TASP1: variants seen among roughly 807,000 people sequenced by gnomAD.
TASP1 encodes taspase 1.
Under a neutral mutation model 56.6 loss-of-function variants are expected in TASP1, and 16 were observed. The observed-to-expected ratio is 0.28, with a 90% CI of 0.19 to 0.43. The LOEUF is 0.43. TASP1 is among the 20% of genes least tolerant of loss of function. TASP1 has a pLI of 1.00. For missense variants in TASP1, 393 were observed against 511.6 expected (o/e 0.77, Z 2.24); for synonymous variants, 179 against 184.2 (o/e 0.97, Z 0.23).
In TASP1 at chr20:13,411,670, C is replaced by G. The variant is rs528800165; in HGVS notation, c.1170+5778G>C. Among the ~76,000 whole-genome samples the G allele has an allele frequency of 9.2e-5, 14 of 152,300 alleles. 1 individual carries two copies. The South Asian group carries it at 2.9e-3, about 32-fold the overall frequency. ...ATTTCCCTTAAGCAAGGTTTGGGATCTGAGCCCAGGTGAAACTCTAGAGAA... is the reference window on the plus strand; with the variant it reads ...ATTTCCCTTAAGCAAGGTTTGGGATGTGAGCCCAGGTGAAACTCTAGAGAA... On this transcript the variant is annotated intron_variant, in intron 13 of 13. Transcript: ENST00000337743.
At chr20:13,623,237 A>G (rs1373009339) in intron 4 of TASP1, among the ~76,000 whole-genome samples, 1 of 152,068 alleles carries the variant, frequency 6.6e-6, no homozygotes, top group Non-Finnish European at 1.5e-5. Context: ...AAAAAAAAAG[A>G]AAAGAAAGGA....
chr20:13,285,215 C>T, the TASP1 span, among the ~76,000 whole-genome samples: 1 of 152,044 alleles, frequency 6.6e-6, no homozygotes, highest in South Asian at 2.1e-4. Context: ...TGCTTGAGCC[C>T]AGGAATTCAG....
At chr20:13,536,027 T>A (rs1198090362) in intron 8 of TASP1, among the ~76,000 whole-genome samples, 3 of 152,220 alleles carry the variant, frequency 2.0e-5, no homozygotes, top group African/African-American at 4.8e-5. Context: ...ATATTTGTTT[T>A]ATAATGCTAA....
chr20:13,118,460 C>CAAA, the TASP1 span, among the ~76,000 whole-genome samples: 2 of 127,634 alleles, frequency 1.6e-5, no homozygotes, highest in Admixed American at 8.3e-5. Context: ...AAAAAAAAAA[C>CAAA]AAAAAAAAAC....
chr20:13,125,301 G>A, the TASP1 span, among the ~76,000 whole-genome samples: 2,874 of 152,312 alleles, frequency 0.019, 56 homozygotes, highest in South Asian at 0.041. Flanking sequence ...GCATTCTGGA[G>A]TGGCTCAGCA....
At chr20:13,421,922 T>C (rs1211326345) in intron 12 of TASP1, among the ~76,000 whole-genome samples, 1 of 151,822 alleles carries the variant, frequency 6.6e-6, no homozygotes, top group African/African-American at 2.4e-5. Context: ...TATCAACAAA[T>C]AACCTTATTT....
chr20:13,163,587 A>C, the TASP1 span, among the ~76,000 whole-genome samples: 9 of 152,116 alleles, frequency 5.9e-5, no homozygotes, highest in Admixed American at 5.9e-4. Flanking sequence ...GATTTGATGT[A>C]GGAAATTTAG....
At chr20:13,613,993 T>G (rs543888853) in intron 4 of TASP1, among the ~76,000 whole-genome samples, 6 of 152,268 alleles carry the variant, frequency 3.9e-5, no homozygotes, top group Non-Finnish European at 8.8e-5. Flanking sequence ...TTTTTGGCAT[T>G]CTCTTTTCTC....
At chr20:13,439,977 A>C (rs1398116519) in intron 11 of TASP1, among the ~76,000 whole-genome samples, 1 of 152,152 alleles carries the variant, frequency 6.6e-6, no homozygotes, top group African/African-American at 2.4e-5. Context: ...GGCCCCACGA[A>C]GATTTAACAC....
chr20:13,617,932 C>T (rs2048577703), intron 4 of TASP1, among the ~76,000 whole-genome samples: 1 of 152,038 alleles, frequency 6.6e-6, no homozygotes, highest in African/African-American at 2.4e-5. Flanking sequence ...GACTGGCAGG[C>T]CTTAGAAGTT....
the TASP1 span, among the ~76,000 whole-genome samples, chr20:13,112,013 T>G: frequency 1.3e-5 from 2 of 152,224 alleles, no homozygotes; most frequent in East Asian, 3.9e-4. Flanking sequence ...CAAGCCAGAG[T>G]GGTACCAAAC....
the TASP1 span, among the ~76,000 whole-genome samples, chr20:13,200,881 C>T: frequency 2.0e-5 from 3 of 152,200 alleles, no homozygotes; most frequent in African/African-American, 7.2e-5. Flanking sequence ...TATGCCGAGG[C>T]TTGAAGTGCT....
chr20:13,504,956 C>CATTA, intron 10 of TASP1, among the ~76,000 whole-genome samples: 1 of 152,024 alleles, frequency 6.6e-6, no homozygotes, highest in African/African-American at 2.4e-5. Flanking sequence ...TCAATAATTA[C>CATTA]ATTGAATGTA....
chr20:13,257,737 C>T, the TASP1 span, among the ~76,000 whole-genome samples: 1 of 151,032 alleles, frequency 6.6e-6, no homozygotes, highest in African/African-American at 2.4e-5. Context: ...GAGGCCAGGA[C>T]TTCCCCTACC....
chr20:13,284,054 C>T, the TASP1 span, among the ~76,000 whole-genome samples: 3 of 152,228 alleles, frequency 2.0e-5, no homozygotes, highest in African/African-American at 7.2e-5. Flanking sequence ...AGTACCTTAA[C>T]CTCTCTGAGC....
chr20:13,153,133 A>C, the TASP1 span, among the ~76,000 whole-genome samples: 1 of 152,324 alleles, frequency 6.6e-6, no homozygotes, highest in East Asian at 1.9e-4. Context: ...AATCCTATTC[A>C]TTCTTATTGA....
intron 7 of TASP1, among the ~76,000 whole-genome samples, chr20:13,567,021 C>T (rs2046553785): frequency 6.6e-6 from 1 of 152,144 alleles, no homozygotes; most frequent in Non-Finnish European, 1.5e-5. Context: ...TACATGGAAT[C>T]AACCTAAATG....
At chr20:13,483,179 G>T in intron 11 of TASP1, 48 bp downstream of exon 11, 1 of 1,382,388 alleles carries the variant, frequency 7.2e-7, no homozygotes, top group South Asian at 1.4e-5. Flanking sequence ...TTATAGAAGT[G>T]AAATAATCCA....
chr20:13,165,812 A>C, the TASP1 span: 5 of 152,208 alleles, frequency 3.3e-5, no homozygotes, highest in African/African-American at 1.2e-4. Flanking sequence ...TGATTCAAGA[A>C]GGACATTTAA....
Sources: gnomAD v4.1 joint callset for allele counts (sites outside exome capture counted in the v4.1 genomes callset) on GRCh38, gnomAD v4.1.1 for gene constraint, MANE v1.5 for transcripts, NCBI Gene and HGNC (gene_info 2026-07-23, HGNC 2026-07-21) for gene names.